OTP: variants seen among roughly 807,000 people sequenced by gnomAD.
OTP encodes the protein orthopedia homeobox, also known as homeobox protein orthopedia.
Under a neutral mutation model 22.3 loss-of-function variants are expected in OTP, and 5 were observed. That is an observed-to-expected ratio of 0.22 (90% CI 0.12 to 0.47). The LOEUF is 0.47. Among genes scored for constraint, OTP ranks in the 20% least tolerant of loss-of-function variants. The pLI is 0.99. For synonymous variants in OTP, 229 were observed against 210.6 expected (o/e 1.09, Z -0.76); for missense variants, 428 against 456.2 (o/e 0.94, Z 0.56).
chr5:77,633,954 G>C (rs1334947489), intron 2 of OTP, among the ~76,000 whole-genome samples: 1 of 152,180 alleles, frequency 6.6e-6, no homozygotes, highest in Non-Finnish European at 1.5e-5. Context: ...AGTGCTGGGA[G>C]AGGAAGAAAA....
At position 77,637,033 on chromosome 5, in the gene OTP, C is replaced by A. The variant is rs1376794408; in HGVS notation, c.235G>T (p.Asp79Tyr). Residue 79 changes from aspartate (D) to tyrosine (Y), a missense_variant, in exon 2 of 3, where the codon GAC (aspartate) becomes TAC (tyrosine). Physicochemically the swap from Asp to Tyr is radical, Grantham distance 160 (BLOSUM62 -3). Around this residue, in one of 3 missense-constraint regions of OTP, gnomAD observed 176 missense variants for 162.9 expected, o/e 1.08. Transcript: ENST00000306422. ...TPASLAVSAK[D>Y]PDKQPGPQGG... Reference sequence around the variant, plus strand: ...TGGGGCCCGGGCTGCTTGTCCGGGTCTTTGGCGCTCACCGCCAGCGAGGCC... The same window carrying A: ...TGGGGCCCGGGCTGCTTGTCCGGGTATTTGGCGCTCACCGCCAGCGAGGCC... 2 of 1,612,922 alleles carry A rather than the reference C, an allele frequency of 1.2e-6. No homozygotes were observed. Among genetic ancestry groups the A allele is most frequent in the South Asian group, 2.2e-5 (2 of 91,014 alleles).
Position 77,637,016 on chromosome 5 carries a change from G to C in OTP, c.252C>G (p.Pro84=), listed in dbSNP as rs762077995. The change falls in exon 2 of 3, where the codon CCC becomes CCG. Residue 84 remains proline (P), a synonymous_variant. Transcript: ENST00000306422. ...AVSAKDPDKQ[P]GPQGGPNPSQ... Reference sequence around the variant, plus strand: ...TGGGGTTCGGGCCGCCCTGGGGCCCGGGCTGCTTGTCCGGGTCTTTGGCGC... The same window carrying C: ...TGGGGTTCGGGCCGCCCTGGGGCCCCGGCTGCTTGTCCGGGTCTTTGGCGC... 7 of 1,613,028 alleles carry C rather than the reference G, an allele frequency of 4.3e-6. No individual in the cohort carries two copies. The South Asian group carries it at 4.4e-5, about 10-fold the overall frequency.
chr5:77,630,329 C>T lies in OTP; in HGVS notation c.913G>A (p.Gly305Ser). 1 of 1,567,884 alleles carries T rather than the reference C, an allele frequency of 6.4e-7. No individual in the cohort carries two copies. The highest frequency in any genetic ancestry group is 8.6e-7 in the Non-Finnish European group (1 of 1,160,362). The change falls in exon 3 of 3, where the codon GGC becomes AGC. Residue 305 changes from glycine (G) to serine (S), a missense_variant. By Grantham distance (56) the Gly-to-Ser change is moderately conservative (BLOSUM62 0). Transcript: ENST00000306422. ...SSPDSSDVWRGTSIASLRRKA... is the reference protein window; with the variant it reads ...SSPDSSDVWRSTSIASLRRKA... ...CGGCGGAGGGAGGCGATGCTGGTGC[C>T]CCGCCACACGTCGCTGCTGTCCGGG...
At position 77,630,464 on chromosome 5, in the gene OTP, T is replaced by G. The variant is rs1483475313; in HGVS notation, c.778A>C (p.Asn260His). ...AGGTGCGACTGCAGCCCCGCGCCGT[T>G]GGAACCCGCCAGGCTGTTGGACAGG... ...MGLSNSLAGS[N>H]GAGLQSHLYQ... The change falls in exon 3 of 3, where the codon AAC becomes CAC. Residue 260 changes from asparagine to histidine, a missense_variant. By Grantham distance (68) the Asn-to-His change is moderately conservative. This residue lies in a region of OTP where 236 missense variants were observed against 238.1 expected (regional missense o/e 0.99). Transcript: ENST00000306422. 5.7e-6 allele frequency: 9 copies of G among 1,588,134 alleles called. No homozygotes were observed. Among genetic ancestry groups the G allele is most frequent in the Non-Finnish European group, 7.7e-6 (9 of 1,169,020 alleles).
At position 77,636,637 on chromosome 5, in the gene OTP, T is replaced by C; in HGVS notation, c.447+184A>G. On this transcript the variant is annotated intron_variant, in intron 2 of 2. Transcript: ENST00000306422. ...ACTGGCCGGAGACGGGCCTTGCGTGTCCATTGGGGGATGGCGATGGGGACC... is the reference window on the plus strand; with the variant it reads ...ACTGGCCGGAGACGGGCCTTGCGTGCCCATTGGGGGATGGCGATGGGGACC... 5.0e-6 allele frequency: 3 copies of C among 594,370 alleles called. No homozygotes were observed. In the South Asian group the frequency reaches 6.6e-5, roughly 13 times the overall value. 36.8% of individuals were successfully genotyped at this position (594,370 alleles called of 1,614,324 possible).
At chr5:77,637,725 A>AC (rs1373459608) in intron 1 of OTP, among the ~76,000 whole-genome samples, 3 of 152,152 alleles carry the variant, frequency 2.0e-5, no homozygotes, top group South Asian at 2.1e-4. Flanking sequence ...CCAAGCTTTC[A>AC]CCCCCCGAAA....
chr5:77,633,521 A>G (rs1368380218), intron 2 of OTP, among the ~76,000 whole-genome samples: 2 of 152,142 alleles, frequency 1.3e-5, no homozygotes, highest in East Asian at 3.8e-4. Flanking sequence ...ACAGATGACA[A>G]CTCCAGGAAA....
At chr5:77,635,810 C>G (rs1005181010) in intron 2 of OTP, 9 of 151,924 alleles carry the variant, frequency 5.9e-5, no homozygotes, top group South Asian at 2.1e-4. Flanking sequence ...TTTTCAGCAC[C>G]CTGGATAGCT....
Position 77,630,307 on chromosome 5 carries a change from C to T in OTP, c.935G>A (p.Arg312His). ...GACTGTGTGCTCTAGCGCCTTGCGG[C>T]GGAGGGAGGCGATGCTGGTGCCCCG... ...VWRGTSIASL[R>H]RKALEHTVSM... Residue 312 changes from arginine (R) to histidine (H), a missense_variant, in exon 3 of 3, where the codon CGC (arginine) becomes CAC (histidine). Transcript: ENST00000306422. 3 of 1,563,498 alleles carry T rather than the reference C, an allele frequency of 1.9e-6. No individual in the cohort carries two copies. The highest frequency in any genetic ancestry group is 2.6e-6 in the Non-Finnish European group (3 of 1,157,770).
At chr5:77,636,698 G>A in intron 2 of OTP, 123 bp downstream of exon 2, 1 of 942,878 alleles carries the variant, frequency 1.1e-6, no homozygotes, top group Admixed American at 2.6e-5. Flanking sequence ...CTCGATACAG[G>A]AACGCACAGG....
rs1744877392 is a variant in OTP at position 77,629,104 on chromosome 5, C to G, written c.*1160G>C. 6.6e-6 allele frequency: 1 copy of G among 152,618 alleles called. No individual in the cohort carries two copies. Among genetic ancestry groups the G allele is most frequent in the Admixed American group, 6.5e-5 (1 of 15,284 alleles). The allele number at this position is 152,618 out of a possible 1,614,324, so 9.5% of individuals were successfully genotyped here. Reference sequence around the variant, plus strand: ...GGACGACAGGACCACCACAAAACAACCAAGGGCACAGAGCAGCGAGAAGAC... The same window carrying G: ...GGACGACAGGACCACCACAAAACAAGCAAGGGCACAGAGCAGCGAGAAGAC... On this transcript the variant is annotated 3_prime_UTR_variant, in exon 3 of 3. Transcript: ENST00000306422.
intron 2 of OTP, among the ~76,000 whole-genome samples, chr5:77,635,611 A>G (rs928209942): frequency 1.3e-5 from 2 of 152,260 alleles, no homozygotes; most frequent in South Asian, 2.1e-4. Context: ...TGCCGAATGG[A>G]GACAGAAACA....
chr5:77,630,252 G>A lies in OTP; in HGVS notation c.*12C>T. 2 of 1,501,644 alleles carry A rather than the reference G, an allele frequency of 1.3e-6. No individual in the cohort carries two copies. Among genetic ancestry groups the A allele is most frequent in the African/African-American group, 1.4e-5 (1 of 69,064 alleles). The allele number at this position is 1,501,644 out of a possible 1,614,324, so 93.0% of individuals were successfully genotyped here. A position where few individuals can be genotyped will look rare whatever the true frequency, so the allele number is the denominator to read the frequency against. ...CGGTGCTGGGGGCGGAGCGGGCCGGGGCGCGGCTGCATTAAGTGAAGCTCA... is the reference window on the plus strand; with the variant it reads ...CGGTGCTGGGGGCGGAGCGGGCCGGAGCGCGGCTGCATTAAGTGAAGCTCA... On this transcript the variant is annotated 3_prime_UTR_variant, in exon 3 of 3. Transcript: ENST00000306422.
chr5:77,637,948 C>T (rs1745035962), intron 1 of OTP, among the ~76,000 whole-genome samples: 1 of 152,192 alleles, frequency 6.6e-6, no homozygotes, highest in African/African-American at 2.4e-5. Context: ...GCATTCCTCA[C>T]AGCCATTGGC....
chr5:77,634,066 G>A (rs1367110209), intron 2 of OTP, among the ~76,000 whole-genome samples: 23 of 152,184 alleles, frequency 1.5e-4, no homozygotes, highest in Admixed American at 1.5e-3. Context: ...ACGGTCAATG[G>A]AATTACAGCA....
chr5:77,636,175 A>G, intron 2 of OTP: 1 of 152,166 alleles, frequency 6.6e-6, no homozygotes, highest in South Asian at 2.1e-4. Flanking sequence ...GGACTCCAAA[A>G]CAAAACGGGG....
intron 1 of OTP, among the ~76,000 whole-genome samples, chr5:77,637,758 C>G (rs889816096): frequency 6.6e-6 from 1 of 152,186 alleles, no homozygotes; most frequent in East Asian, 1.9e-4. Flanking sequence ...AGCTCCGCCT[C>G]CCCCTCAAAT....
chr5:77,637,270 G>A (rs1422099772), intron 1 of OTP, 40 bp from the exon 2 acceptor site: 6 of 1,458,676 alleles, frequency 4.1e-6, no homozygotes, highest in Admixed American at 2.7e-5. Context: ...CTTTCTTGGC[G>A]ATGCCAGGAG....
At position 77,630,274 on chromosome 5, in the gene OTP, C is replaced by T; in HGVS notation, c.968G>A (p.Ser323Asn). 1 of 1,545,680 alleles carries T rather than the reference C, an allele frequency of 6.5e-7. No individual in the cohort carries two copies. The highest frequency in any genetic ancestry group is 8.7e-7 in the Non-Finnish European group (1 of 1,149,264). Residue 323 changes from serine to asparagine, a missense_variant, in exon 3 of 3, where the codon AGC becomes AAC. Ser to Asn is a conservative substitution (Grantham distance 46). Transcript: ENST00000306422. ...RKALEHTVSM[S>N]FT ...CGGGGCGCGGCTGCATTAAGTGAAG[C>T]TCATAGAGACTGTGTGCTCTAGCGC...
Sources: gnomAD v4.1 joint callset for allele counts (sites outside exome capture counted in the v4.1 genomes callset) on GRCh38, gnomAD v4.1.1 for gene constraint, gnomAD v4.1.1 regional missense constraint, MANE v1.5 for transcripts, NCBI Gene and HGNC (gene_info 2026-07-23, HGNC 2026-07-21) for gene names.